The following XKR6 variants were observed in gnomAD, a reference collection of about 807,000 sequenced individuals.
XKR6 encodes the protein XK-related protein 6.
In XKR6, 22 loss-of-function variants were observed where a neutral mutation model predicts 56.7. The ratio of observed to expected loss-of-function variants is 0.39; its 90% confidence interval spans 0.28 to 0.55. The LOEUF is 0.55. Among genes scored for constraint, XKR6 ranks in the 20% least tolerant of loss-of-function variants. The probability of loss-of-function intolerance (pLI) is 0.66; values close to 1 mark genes in which losing one functional copy is unlikely to be tolerated. For synonymous variants in XKR6, 524 were observed against 387.8 expected, an observed-to-expected ratio of 1.35 and a Z score of -4.13; for missense variants, 852 against 889.0, an observed-to-expected ratio of 0.96 and a Z score of 0.53.
At chr8:11,019,501 G>A (rs1302671123) in intron 1 of XKR6, among the ~76,000 whole-genome samples, 5 of 152,248 alleles carry the variant, frequency 3.3e-5, no homozygotes, top group African/African-American at 1.2e-4. Flanking sequence ...CTCCTCTGGG[G>A]ATGGAGACAG....
At chr8:11,163,858 T>G (rs1801943480) in intron 1 of XKR6, among the ~76,000 whole-genome samples, 1 of 152,172 alleles carries the variant, frequency 6.6e-6, no homozygotes, top group African/African-American at 2.4e-5. Context: ...GGGTTGGAAC[T>G]TAACTTTGTT....
At chr8:11,070,674 T>C (rs1800092174) in intron 1 of XKR6, among the ~76,000 whole-genome samples, 2 of 152,224 alleles carry the variant, frequency 1.3e-5, no homozygotes. Context: ...CACATTTACA[T>C]AGCACTTCAC....
chr8:11,024,197 G>C (rs545424683), intron 1 of XKR6, among the ~76,000 whole-genome samples: 2 of 148,492 alleles, frequency 1.3e-5, no homozygotes, highest in South Asian at 4.4e-4. Flanking sequence ...CAACATACCT[G>C]TTAGGAGGTG....
rs796492231 is a variant in XKR6 at position 11,003,870 on chromosome 8, G to C, written c.765-79040C>G. On this transcript the variant is annotated intron_variant, in intron 1 of 2. Transcript: ENST00000416569. Reference sequence around the variant, plus strand: ...ATGAGAGCAAAAGGTTCCCAAGGGAGAAAAGAGTCCAGGTGAACCGTCCAG... The same window carrying C: ...ATGAGAGCAAAAGGTTCCCAAGGGACAAAAGAGTCCAGGTGAACCGTCCAG... Among the ~76,000 whole-genome samples the C allele has an allele frequency of 4.0e-4, 61 of 152,328 alleles. 2 individuals are homozygous for C. Among genetic ancestry groups the C allele is most frequent in the African/African-American group, 1.4e-3 (60 of 41,564 alleles).
chr8:11,093,823 G>A (rs540910119), intron 1 of XKR6, among the ~76,000 whole-genome samples: 130 of 151,784 alleles, frequency 8.6e-4, no homozygotes, highest in African/African-American at 2.8e-3. Context: ...TCGCTCTGTC[G>A]CACAGGCTGG....
At chr8:11,183,419 T>C (rs1005564887) in intron 1 of XKR6, among the ~76,000 whole-genome samples, 1 of 152,004 alleles carries the variant, frequency 6.6e-6, no homozygotes, top group Non-Finnish European at 1.5e-5. Context: ...CTCCAGTGAT[T>C]CTCTTCCTTA....
chr8:11,038,120 T>G (rs17149387), intron 1 of XKR6, among the ~76,000 whole-genome samples: 15,398 of 152,076 alleles, frequency 0.1, 876 homozygotes, highest in African/African-American at 0.15. Context: ...TTCTGTGTCA[T>G]CGAAAGGGGC....
At chr8:11,005,969 G>A (rs998611093) in intron 1 of XKR6, among the ~76,000 whole-genome samples, 1 of 148,086 alleles carries the variant, frequency 6.8e-6, no homozygotes, top group East Asian at 2.0e-4. Flanking sequence ...TCAGCCTCCC[G>A]AGTAGCTGGG....
At chr8:11,172,886 A>G (rs971090675) in intron 1 of XKR6, among the ~76,000 whole-genome samples, 3 of 152,214 alleles carry the variant, frequency 2.0e-5, no homozygotes, top group African/African-American at 4.8e-5. Context: ...CAAAACCACA[A>G]GAAAGATTCT....
chr8:11,078,015 C>G (rs1800320343), intron 1 of XKR6, among the ~76,000 whole-genome samples: 4 of 152,142 alleles, frequency 2.6e-5, no homozygotes, highest in Admixed American at 2.6e-4. Flanking sequence ...ATGGAAGGAC[C>G]TCAATGCTGA....
rs547294908 is a variant in XKR6 at position 10,896,309 on chromosome 8, G to C, written c.*1643C>G. 2 of 152,622 alleles carry C rather than the reference G, an allele frequency of 1.3e-5. No individual in the cohort carries two copies. Among genetic ancestry groups the C allele is most frequent in the Admixed American group, 6.5e-5 (1 of 15,286 alleles). 9.5% of individuals were successfully genotyped at this position (152,622 alleles called of 1,614,324 possible). ...ACTTGATACAATGAGAAAATAAACAGTGGAATCAAATCCTCACCCAAATGG... is the reference window on the plus strand; with the variant it reads ...ACTTGATACAATGAGAAAATAAACACTGGAATCAAATCCTCACCCAAATGG... On this transcript the variant is annotated 3_prime_UTR_variant, in exon 3 of 3. Transcript: ENST00000416569.
At chr8:10,928,683 C>T (rs1800969947) in intron 1 of XKR6, among the ~76,000 whole-genome samples, 1 of 152,196 alleles carries the variant, frequency 6.6e-6, no homozygotes, top group Admixed American at 6.5e-5. Context: ...CCCGCGCCCT[C>T]TTCTGCCAGG....
intron 1 of XKR6, among the ~76,000 whole-genome samples, chr8:11,193,747 C>CG (rs1337963970): frequency 6.8e-4 from 93 of 136,890 alleles, no homozygotes; most frequent in African/African-American, 1.4e-3. Flanking sequence ...GACCCCCCCC[C>CG]CCCCACAAAA....
chr8:10,972,897 A>AT (rs965359929), intron 1 of XKR6, among the ~76,000 whole-genome samples: 24 of 152,288 alleles, frequency 1.6e-4, no homozygotes, highest in South Asian at 2.1e-4. Flanking sequence ...TAATGAAAAC[A>AT]TTTTTTTAAA....
intron 1 of XKR6, among the ~76,000 whole-genome samples, chr8:10,978,068 T>C (rs1335834634): frequency 9.2e-5 from 14 of 152,066 alleles, no homozygotes; most frequent in Non-Finnish European, 1.5e-5. Context: ...TCAGCAGGAA[T>C]GATGGAAATG....
intron 1 of XKR6, among the ~76,000 whole-genome samples, chr8:11,031,748 A>G (rs1563356770): frequency 6.6e-6 from 1 of 152,226 alleles, no homozygotes; most frequent in Non-Finnish European, 1.5e-5. Flanking sequence ...ACCTCTCCTA[A>G]CTCTGGCTAA....
At chr8:10,916,351 C>T (rs938564079) in intron 2 of XKR6, among the ~76,000 whole-genome samples, 17 of 152,218 alleles carry the variant, frequency 1.1e-4, no homozygotes, top group Non-Finnish European at 2.2e-4. Context: ...GGCAGCTTCA[C>T]CCTATTTTAA....
At chr8:11,107,448 G>T (rs1174165304) in intron 1 of XKR6, among the ~76,000 whole-genome samples, 1 of 152,084 alleles carries the variant, frequency 6.6e-6, no homozygotes, top group East Asian at 1.9e-4. Context: ...GCCTCCCAGA[G>T]TGCTAGGATT....
intron 1 of XKR6, among the ~76,000 whole-genome samples, chr8:11,152,751 C>T (rs1312141942): frequency 6.6e-6 from 1 of 152,212 alleles, no homozygotes; most frequent in East Asian, 1.9e-4. Context: ...CCTCAACTAG[C>T]TTGTGGACAG....
Sources: gnomAD v4.1 joint callset for allele counts (sites outside exome capture counted in the v4.1 genomes callset) on GRCh38, gnomAD v4.1.1 for gene constraint, MANE v1.5 for transcripts, NCBI Gene and HGNC (gene_info 2026-07-23, HGNC 2026-07-21) for gene names.